CDC14B: variants seen among roughly 807,000 people sequenced by gnomAD.
CDC14B encodes dual specificity protein phosphatase CDC14B.
Under a neutral mutation model 64.2 loss-of-function variants are expected in CDC14B, and 22 were observed. The ratio of observed to expected loss-of-function variants is 0.34; its 90% CI spans 0.24 to 0.49. The LOEUF (loss-of-function observed/expected upper bound fraction) is 0.49, where lower values mean the gene tolerates loss of function less well. Ranked by LOEUF, CDC14B falls within the 20% of genes least tolerant of loss-of-function variation. The pLI is 0.99. For missense variants in CDC14B, 498 were observed against 629.9 expected (o/e 0.79, Z 2.24); for synonymous variants, 191 against 215.8 (o/e 0.89, Z 1.01).
At chr9:96,540,500 G>GA (rs1375974390) in intron 6 of CDC14B, among the ~76,000 whole-genome samples, 1 of 150,014 alleles carries the variant, frequency 6.7e-6, no homozygotes, top group Non-Finnish European at 1.5e-5. Flanking sequence ...GAGCATAGCA[G>GA]AAAAAATGAA....
chr9:96,560,233 G>A (rs76362109), intron 4 of CDC14B, among the ~76,000 whole-genome samples: 2,518 of 152,124 alleles, frequency 0.017, 70 homozygotes, highest in African/African-American at 0.057. Context: ...GAAGTGGCCC[G>A]GTCTGGCCCC....
At chr9:96,568,121 T>C (rs992797353) in intron 1 of CDC14B, among the ~76,000 whole-genome samples, 1 of 151,776 alleles carries the variant, frequency 6.6e-6, no homozygotes, top group Non-Finnish European at 1.5e-5. Flanking sequence ...TCCCAAGTTT[T>C]CTATAGAAAA....
At chr9:96,533,266 G>A (rs1838774429) in intron 9 of CDC14B, among the ~76,000 whole-genome samples, 1 of 152,206 alleles carries the variant, frequency 6.6e-6, no homozygotes, top group Non-Finnish European at 1.5e-5. Context: ...ACCATGCCCG[G>A]CCTGGATTTA....
At chr9:96,567,919 T>C (rs1844206900) in intron 1 of CDC14B, among the ~76,000 whole-genome samples, 1 of 152,140 alleles carries the variant, frequency 6.6e-6, no homozygotes, top group Admixed American at 6.5e-5. Context: ...TCAAAACATC[T>C]CACGTACCCC....
chr9:96,611,153 T>A (rs191730858), intron 1 of CDC14B, among the ~76,000 whole-genome samples: 90 of 82,976 alleles, frequency 1.1e-3, no homozygotes, highest in African/African-American at 4.2e-3. Flanking sequence ...AGAGTCCAGA[T>A]GAGATCTACA....
intron 12 of CDC14B, among the ~76,000 whole-genome samples, chr9:96,512,739 T>C (rs1311179102): frequency 6.6e-6 from 1 of 152,216 alleles, no homozygotes; most frequent in Non-Finnish European, 1.5e-5. Context: ...TGCTGCTGCT[T>C]CATTGCTACT....
In CDC14B at chr9:96,515,417, A is replaced by G. The variant is rs1048440113; in HGVS notation, c.1344-5628T>C. ...ATTTTGAAATATGTTAAGGATAAGC[A>G]TAACTTTAAAACAACGTATGTTACT... On this transcript the variant is annotated intron_variant, in intron 12 of 13. Coordinates refer to ENST00000375241, the MANE Select transcript of CDC14B (RefSeq NM_033331.4). This position sits in a 1 kb window ranked among gnomAD's most constrained non-coding sequence, Gnocchi z 4.3. Among the ~76,000 whole-genome samples the G allele has an allele frequency of 6.6e-6, 1 of 152,266 alleles. No homozygotes were observed. The highest frequency in any genetic ancestry group is 1.5e-5 in the Non-Finnish European group (1 of 68,048).
At chr9:96,601,162 T>C (rs1212265748) in intron 1 of CDC14B, among the ~76,000 whole-genome samples, 3 of 152,102 alleles carry the variant, frequency 2.0e-5, no homozygotes, top group Non-Finnish European at 2.9e-5. Flanking sequence ...TATTTCTCTA[T>C]AGACATATCT....
exon 14 of CDC14B, chr9:96,492,646 A>C (rs1379948448): frequency 6.6e-6 from 1 of 152,590 alleles, no homozygotes; most frequent in East Asian, 1.9e-4. Context: ...CAGGAGGCTG[A>C]GGCAGGAGAG....
chr9:96,524,343 T>G (rs1260856451), intron 9 of CDC14B, among the ~76,000 whole-genome samples: 1 of 149,606 alleles, frequency 6.7e-6, no homozygotes, highest in African/African-American at 2.5e-5. Context: ...GGAGAATCAC[T>G]TTCTGAGCAA....
rs1457933570 is a variant in CDC14B, at chr9:96,538,933, T to A, written c.627+145A>T. 5 of 620,498 alleles carry A rather than the reference T, an allele frequency of 8.1e-6. No individual in the cohort carries two copies. In the East Asian group the frequency reaches 1.2e-4, roughly 15 times the overall value. The allele number at this position is 620,498 out of a possible 1,614,324, so 38.4% of individuals were successfully genotyped here. A position where few individuals can be genotyped will look rare whatever the true frequency, so the allele number is the denominator to read the frequency against. On this transcript the variant is annotated intron_variant, in intron 7 of 13. Transcript: ENST00000375241. ...TGATGAATATGTTAATTAGCTTGATTAGGTAATCATTTCATGGTGTATACA... is the reference window on the plus strand; with the variant it reads ...TGATGAATATGTTAATTAGCTTGATAAGGTAATCATTTCATGGTGTATACA...
chr9:96,603,777 G>A (rs1375434849), intron 1 of CDC14B, among the ~76,000 whole-genome samples: 2 of 152,138 alleles, frequency 1.3e-5, no homozygotes, highest in Admixed American at 1.3e-4. Flanking sequence ...AAAAGACACT[G>A]CGCAAGATTT....
chr9:96,526,153 G>T (rs968802404), intron 9 of CDC14B, among the ~76,000 whole-genome samples: 1 of 152,078 alleles, frequency 6.6e-6, no homozygotes, highest in Non-Finnish European at 1.5e-5. Flanking sequence ...AGATCATGAG[G>T]TCAGGAGATT....
In CDC14B at chr9:96,503,059, T is replaced by G. The variant is rs769061287; in HGVS notation, c.*694A>C. ...ACATCTTCCAACTCTGAAGTCAGTT[T>G]CTCCTCCTGAGTCTTCTAAAGCTAC... On this transcript the variant is annotated 3_prime_UTR_variant, in exon 14 of 14. Transcript: ENST00000375241. 21 of 393,656 alleles carry G rather than the reference T, an allele frequency of 5.3e-5. No homozygotes were observed. Among genetic ancestry groups the G allele is most frequent in the Non-Finnish European group, 9.4e-5 (21 of 223,222 alleles). 24.4% of individuals were successfully genotyped at this position (393,656 alleles called of 1,614,324 possible).
chr9:96,615,349 C>T (rs1847560086), intron 1 of CDC14B, among the ~76,000 whole-genome samples: 1 of 152,010 alleles, frequency 6.6e-6, no homozygotes, highest in Non-Finnish European at 1.5e-5. Context: ...TGGCTAGATA[C>T]TAAACAATAG....
intron 1 of CDC14B, among the ~76,000 whole-genome samples, chr9:96,607,422 T>C (rs1322431308): frequency 1.4e-5 from 2 of 145,612 alleles, no homozygotes. Flanking sequence ...TCTTTTTTTT[T>C]TTTTTTTTTT....
intron 1 of CDC14B, among the ~76,000 whole-genome samples, chr9:96,594,194 C>T (rs759875118): frequency 4.6e-5 from 7 of 152,182 alleles, no homozygotes; most frequent in South Asian, 4.1e-4. Context: ...ACTGCTTTGG[C>T]TTACCGCTGC....
chr9:96,539,174 A>T, intron 6 of CDC14B, 34 bp from the exon 7 acceptor site: 1 of 1,450,202 alleles, frequency 6.9e-7, no homozygotes, highest in Non-Finnish European at 9.6e-7. Context: ...AAGAACAAGG[A>T]TGCAAATAAG....
intron 1 of CDC14B, among the ~76,000 whole-genome samples, chr9:96,585,162 T>C (rs575508491): frequency 9.9e-4 from 151 of 152,234 alleles, no homozygotes; most frequent in African/African-American, 3.5e-3. Context: ...GTCATGCCAA[T>C]TGCACTGTTG....
Sources: allele counts gnomAD v4.1 joint callset (sites outside exome capture counted in the v4.1 genomes callset), GRCh38; gene constraint gnomAD v4.1.1; non-coding constraint Gnocchi (gnomAD v3.1); transcripts MANE v1.5; gene names NCBI Gene and HGNC (gene_info 2026-07-23, HGNC 2026-07-21).